CAMSAP2: variants seen among roughly 807,000 people sequenced by gnomAD.
The protein encoded by CAMSAP2 is calmodulin regulated spectrin associated protein family member 2, also known as calmodulin-regulated spectrin-associated protein 2.
CAMSAP2 carries 26 observed loss-of-function variants against 146.1 expected under a neutral mutation model. That is an observed-to-expected ratio of 0.18 (90% CI 0.13 to 0.25). The LOEUF is 0.25. CAMSAP2 is among the 10% of genes least tolerant of loss of function. The pLI, the probability that CAMSAP2 is intolerant of heterozygous loss-of-function variation, is 1.00. For missense variants in CAMSAP2, 1,381 were observed against 1,759.3 expected (o/e 0.78, Z 3.85); for synonymous variants, 499 against 596.6 (o/e 0.84, Z 2.38).
chr1:200,853,467 C>T lies in CAMSAP2; in HGVS notation c.3795C>T (p.Ser1265=). The change falls in exon 13 of 17, where the codon TCC becomes TCT. Residue 1265 remains serine, a synonymous_variant. Transcript: ENST00000358823. This position sits in a 1 kb window ranked among gnomAD's most constrained non-coding sequence, Gnocchi z 5.1. ...CTATTCACAGAGATCATATTGAATCCCCCAAAACACCAATAAAGGGTCCTC... is the reference window on the plus strand; with the variant it reads ...CTATTCACAGAGATCATATTGAATCTCCCAAAACACCAATAAAGGGTCCTC... ...PKSIHRDHIE[S]PKTPIKGPPV... The T allele has an allele frequency of 1.2e-6, 2 of 1,613,214 alleles. No individual in the cohort carries two copies. The highest frequency in any genetic ancestry group is 1.7e-6 in the Non-Finnish European group (2 of 1,179,620).
chr1:200,758,943 C>G (rs1318050773), intron 1 of CAMSAP2, among the ~76,000 whole-genome samples: 3 of 152,254 alleles, frequency 2.0e-5, no homozygotes, highest in African/African-American at 7.2e-5. Context: ...TCTTCTATCT[C>G]TGATTTTTAT....
At chr1:200,746,915 G>A (rs1392799068) in intron 1 of CAMSAP2, among the ~76,000 whole-genome samples, 2 of 151,444 alleles carry the variant, frequency 1.3e-5, no homozygotes, top group African/African-American at 2.4e-5. Flanking sequence ...AACTGCGCCC[G>A]GCCTAGTCAC....
At chr1:200,819,420 A>G (rs1317311950) in intron 4 of CAMSAP2, among the ~76,000 whole-genome samples, 1 of 152,166 alleles carries the variant, frequency 6.6e-6, no homozygotes, top group Non-Finnish European at 1.5e-5. Flanking sequence ...AGCATCTTGT[A>G]TTTATTTGCT....
intron 4 of CAMSAP2, among the ~76,000 whole-genome samples, chr1:200,821,665 C>CT (rs370798201): frequency 2.6e-5 from 4 of 152,088 alleles, no homozygotes; most frequent in Admixed American, 6.5e-5. Flanking sequence ...GTGGCCATTT[C>CT]TTTTTTTTAT....
chr1:200,858,006 T>C lies in CAMSAP2; in HGVS notation c.4384T>C (p.Trp1462Arg). 1 of 1,611,674 alleles carries C rather than the reference T, an allele frequency of 6.2e-7. No individual in the cohort carries two copies. Among genetic ancestry groups the C allele is most frequent in the Non-Finnish European group, 8.5e-7 (1 of 1,179,202 alleles). ...TGCAATTACCATTCATAGCCATTTA[T>C]GGCAGACCAAAAGACCAGTAACACC... The part of the protein sequence containing the change: ...VDAITIHSHL[W>R]QTKRPVTPKK... The change falls in exon 17 of 17, where the codon TGG (tryptophan) becomes CGG (arginine). Residue 1462 changes from tryptophan (W) to arginine (R), a missense_variant. Coordinates refer to ENST00000358823, the MANE Select transcript of CAMSAP2 (RefSeq NM_203459.4).
rs761337366 is a variant in CAMSAP2 at position 200,849,333 on chromosome 1, C to G, written c.2564C>G (p.Pro855Arg). 5.6e-6 allele frequency: 9 copies of G among 1,614,004 alleles called. No individual in the cohort carries two copies. The highest frequency in any genetic ancestry group is 7.6e-6 in the Non-Finnish European group (9 of 1,180,014). Reference protein sequence around the residue: ...QAKWLKSPTTPIDPEKQWNLA... With the variant: ...QAKWLKSPTTRIDPEKQWNLA... ...AAATGGCTAAAGTCTCCAACTACAC[C>G]TATTGATCCTGAGAAGCAGTGGAAC... The change falls in exon 11 of 17, where the codon CCT becomes CGT. Residue 855 changes from proline to arginine, a missense_variant. Around this residue, in one of 4 missense-constraint regions of CAMSAP2, gnomAD observed 560 missense variants for 715.9 expected, o/e 0.78. Transcript: ENST00000358823. This position sits in a 1 kb window ranked among gnomAD's most constrained non-coding sequence, Gnocchi z 6.3.
At chr1:200,759,853 G>A (rs1403261002) in intron 1 of CAMSAP2, among the ~76,000 whole-genome samples, 1 of 152,210 alleles carries the variant, frequency 6.6e-6, no homozygotes, top group Non-Finnish European at 1.5e-5. Context: ...TAGAGCCCAG[G>A]TAAGAAATGG....
intron 2 of CAMSAP2, among the ~76,000 whole-genome samples, chr1:200,804,422 A>G (rs1400674257): frequency 1.3e-5 from 2 of 152,088 alleles, no homozygotes; most frequent in Non-Finnish European, 2.9e-5. Context: ...TTTCTGTTGT[A>G]TAATATTATA....
intron 2 of CAMSAP2, among the ~76,000 whole-genome samples, chr1:200,770,143 C>T (rs1040296221): frequency 3.3e-5 from 5 of 151,878 alleles, no homozygotes; most frequent in South Asian, 2.1e-4. Context: ...GGGATAGGAC[C>T]GAAGGTACAG....
At chr1:200,829,813 C>T (rs1571808094) in intron 4 of CAMSAP2, among the ~76,000 whole-genome samples, 1 of 151,968 alleles carries the variant, frequency 6.6e-6, no homozygotes, top group African/African-American at 2.4e-5. Context: ...TGTGGTTTCA[C>T]CTACTCAAAA....
At chr1:200,844,256 T>A (rs571318957) in intron 7 of CAMSAP2, among the ~76,000 whole-genome samples, 1 of 152,180 alleles carries the variant, frequency 6.6e-6, no homozygotes, top group South Asian at 2.1e-4. Context: ...TTTTTTAATT[T>A]AAGAAATTTT....
At chr1:200,742,020 T>C (rs1434329304) in intron 1 of CAMSAP2, among the ~76,000 whole-genome samples, 1 of 152,212 alleles carries the variant, frequency 6.6e-6, no homozygotes, top group Non-Finnish European at 1.5e-5. Flanking sequence ...GGAACACTGC[T>C]GTTAGATACC....
Position 200,853,596 on chromosome 1 carries a change from C to A in CAMSAP2, c.3823+101C>A. Reference sequence around the variant, plus strand: ...ACTTTGATGTGCAAAATTGGATACACAGTTTGAGATTGTGCATGCTCCCTT... The same window carrying A: ...ACTTTGATGTGCAAAATTGGATACAAAGTTTGAGATTGTGCATGCTCCCTT... On this transcript the variant is annotated intron_variant, in intron 13 of 16. Coordinates refer to ENST00000358823, the MANE Select transcript of CAMSAP2 (RefSeq NM_203459.4). This position sits in a 1 kb window ranked among gnomAD's most constrained non-coding sequence, Gnocchi z 5.1. 5 of 886,764 alleles carry A rather than the reference C, an allele frequency of 5.6e-6. No individual in the cohort carries two copies. The South Asian group carries it at 6.7e-5, about 12-fold the overall frequency. The allele number at this position is 886,764 out of a possible 1,614,324, so 54.9% of individuals were successfully genotyped here.
At position 200,858,233 on chromosome 1, in the gene CAMSAP2, T is replaced by C. The variant is rs1667796065; in HGVS notation, c.*174T>C. ...CCACAGTATTTTGGAGTGCAGAACA[T>C]TCTCAATTAAGTGATAAGTCCAAAT... On this transcript the variant is annotated 3_prime_UTR_variant, in exon 17 of 17. Coordinates refer to ENST00000358823, the MANE Select transcript of CAMSAP2 (RefSeq NM_203459.4). 1.9e-6 allele frequency: 1 copy of C among 524,084 alleles called. No homozygotes were observed. The highest frequency in any genetic ancestry group is 1.9e-5 in the African/African-American group (1 of 51,336). The allele number at this position is 524,084 out of a possible 1,614,324, so 32.5% of individuals were successfully genotyped here. A position where few individuals can be genotyped will look rare whatever the true frequency, so the allele number is the denominator to read the frequency against.
intron 2 of CAMSAP2, among the ~76,000 whole-genome samples, chr1:200,767,769 CT>C (rs1240617607): frequency 6.6e-6 from 1 of 151,292 alleles, no homozygotes; most frequent in Non-Finnish European, 1.5e-5. Context: ...ACAGGGTTTT[CT>C]TCTTCATGCA....
At chr1:200,806,124 ACT>A (rs1213495408) in intron 2 of CAMSAP2, among the ~76,000 whole-genome samples, 2 of 152,210 alleles carry the variant, frequency 1.3e-5, no homozygotes, top group Admixed American at 6.5e-5. Context: ...AATATTTAAA[ACT>A]CTGCAACAAA....
chr1:200,754,135 A>T (rs1664583937), intron 1 of CAMSAP2, among the ~76,000 whole-genome samples: 2 of 152,306 alleles, frequency 1.3e-5, no homozygotes, highest in South Asian at 4.1e-4. Context: ...TTCCTTTATT[A>T]AAATGTACTG....
chr1:200,783,172 G>A (rs1029031140), intron 2 of CAMSAP2, among the ~76,000 whole-genome samples: 68 of 152,084 alleles, frequency 4.5e-4, no homozygotes, highest in African/African-American at 1.1e-3. Flanking sequence ...ATGTCTGAGC[G>A]TTCCAGTTGC....
chr1:200,836,235 T>A (rs1360951478), intron 6 of CAMSAP2, among the ~76,000 whole-genome samples: 1 of 152,222 alleles, frequency 6.6e-6, no homozygotes, highest in Non-Finnish European at 1.5e-5. Flanking sequence ...CCATCAGTTA[T>A]TTCTCCTGAT....
Sources: allele counts gnomAD v4.1 joint callset (sites outside exome capture counted in the v4.1 genomes callset), GRCh38; gene constraint gnomAD v4.1.1; regional missense constraint gnomAD v4.1.1; non-coding constraint Gnocchi (gnomAD v3.1); transcripts MANE v1.5; gene names NCBI Gene and HGNC (gene_info 2026-07-23, HGNC 2026-07-21).